The following NRXN3 variants were observed in gnomAD, a reference collection of about 807,000 sequenced individuals.
NRXN3 encodes the protein neurexin III.
Under a neutral mutation model 137.6 loss-of-function variants are expected in NRXN3, and 32 were observed. The observed-to-expected ratio is 0.23, with a 90% CI of 0.18 to 0.31. The LOEUF (loss-of-function observed/expected upper bound fraction) is 0.31, where lower values mean the gene tolerates loss of function less well. Among genes scored for constraint, NRXN3 ranks in the 10% least tolerant of loss-of-function variants. NRXN3 has a pLI of 1.00. For missense variants in NRXN3, 1,574 were observed against 2,062.5 expected, an observed-to-expected ratio of 0.76 and a Z score of 4.59; for synonymous variants, 798 against 784.5, an observed-to-expected ratio of 1.02 and a Z score of -0.29.
intron 16 of NRXN3, among the ~76,000 whole-genome samples, chr14:79,538,066 G>A (rs563588528): frequency 6.6e-6 from 1 of 152,270 alleles, no homozygotes; most frequent in African/African-American, 2.4e-5. Flanking sequence ...TTTTTCATGT[G>A]TCTTTCAGCT....
chr14:79,612,937 G>T (rs2098119685), intron 16 of NRXN3, among the ~76,000 whole-genome samples: 1 of 152,150 alleles, frequency 6.6e-6, no homozygotes, highest in South Asian at 2.1e-4. Flanking sequence ...AGTTTTTTAA[G>T]AAAGAAAATA....
chr14:79,796,557 T>G (rs2099161543), intron 19 of NRXN3, among the ~76,000 whole-genome samples: 1 of 152,100 alleles, frequency 6.6e-6, no homozygotes, highest in Admixed American at 6.5e-5. Context: ...TGCACTACAT[T>G]TATTTATATA....
intron 15 of NRXN3, among the ~76,000 whole-genome samples, chr14:79,441,366 C>CTTTTTTTTTTTTTTTTTTTTTTT (rs869170695): frequency 3.0e-5 from 2 of 67,232 alleles, no homozygotes; most frequent in East Asian, 8.4e-4. Context: ...AACAGAAAAT[C>CTTTTTTTTTTTTTTTTTTTTTTT]TTTTTTTTTT....
chr14:79,052,636 T>C (rs955443752), intron 15 of NRXN3, among the ~76,000 whole-genome samples: 1 of 152,220 alleles, frequency 6.6e-6, no homozygotes, highest in African/African-American at 2.4e-5. Context: ...TTTCCTAGCT[T>C]TAAGATGAAA....
At chr14:79,322,134 C>T (rs949475024) in intron 15 of NRXN3, among the ~76,000 whole-genome samples, 3 of 152,130 alleles carry the variant, frequency 2.0e-5, no homozygotes, top group South Asian at 4.1e-4. Context: ...AGCAATATTA[C>T]GTGACATCAC....
chr14:78,538,645 A>C (rs999761549), intron 4 of NRXN3, among the ~76,000 whole-genome samples: 3 of 150,700 alleles, frequency 2.0e-5, no homozygotes, highest in African/African-American at 4.9e-5. Flanking sequence ...AACTTCCAAC[A>C]CTATGTTGAA....
intron 10 of NRXN3, among the ~76,000 whole-genome samples, chr14:78,928,825 G>C (rs886238730): frequency 6.6e-6 from 1 of 152,138 alleles, no homozygotes; most frequent in African/African-American, 2.4e-5. Flanking sequence ...CCAGTAATGG[G>C]ATTGCTGGGT....
At position 79,732,566 on chromosome 14, in the gene NRXN3, A is replaced by T. The variant is rs117482566; in HGVS notation, c.4014+34629A>T. ...AATTAAGGGACCTTGTGGGAATTTA[A>T]ATCATCTAAGGTAATAGAACATGAA... On this transcript the variant is annotated intron_variant, in intron 19 of 20. Transcript: ENST00000335750. Among the ~76,000 whole-genome samples the T allele has an allele frequency of 2.1e-3, 326 of 152,308 alleles. 8 individuals are homozygous for T. In the East Asian group the frequency reaches 0.039, roughly 18 times the overall value.
At chr14:79,074,097 A>G (rs1274060527) in intron 15 of NRXN3, among the ~76,000 whole-genome samples, 3 of 152,220 alleles carry the variant, frequency 2.0e-5, no homozygotes, top group Admixed American at 6.5e-5. Context: ...CACAATGAAT[A>G]TTATTAGTCA....
At chr14:78,495,594 G>A (rs184617154) in intron 4 of NRXN3, among the ~76,000 whole-genome samples, 4 of 152,248 alleles carry the variant, frequency 2.6e-5, no homozygotes, top group Non-Finnish European at 4.4e-5. Flanking sequence ...GTGACATCTC[G>A]AATCTTCAGG....
intron 8 of NRXN3, among the ~76,000 whole-genome samples, chr14:78,779,291 A>G (rs955837533): frequency 6.6e-6 from 1 of 152,132 alleles, no homozygotes; most frequent in Non-Finnish European, 1.5e-5. Flanking sequence ...TCATTTCAAA[A>G]ATGTAGAAAC....
At chr14:79,769,860 T>C (rs1216551105) in intron 19 of NRXN3, among the ~76,000 whole-genome samples, 1 of 152,150 alleles carries the variant, frequency 6.6e-6, no homozygotes, top group African/African-American at 2.4e-5. Flanking sequence ...CCCATCAGTG[T>C]GCTGTATTCA....
intron 15 of NRXN3, among the ~76,000 whole-genome samples, chr14:79,231,965 T>C (rs571294647): frequency 6.6e-6 from 1 of 152,244 alleles, no homozygotes; most frequent in Non-Finnish European, 1.5e-5. Flanking sequence ...TTTAAAATAC[T>C]TAGTATTAAA....
intron 15 of NRXN3, among the ~76,000 whole-genome samples, chr14:79,103,938 A>C (rs972788857): frequency 6.6e-6 from 1 of 152,150 alleles, no homozygotes; most frequent in African/African-American, 2.4e-5. Flanking sequence ...CATCTGCACA[A>C]GCAATAGACA....
chr14:79,178,531 C>G (rs561578071), intron 15 of NRXN3, among the ~76,000 whole-genome samples: 1 of 152,254 alleles, frequency 6.6e-6, no homozygotes, highest in East Asian at 1.9e-4. Flanking sequence ...TGTCTAGCCT[C>G]TTGATTGAGT....
rs75835412 is a variant in NRXN3 at position 79,394,926 on chromosome 14, A to T, written c.3263-72295A>T. On this transcript the variant is annotated intron_variant, in intron 15 of 20. Transcript: ENST00000335750. ...CTGGGATGTAAATGCAGTTCTGTCT[A>T]GCTAAAGAGCCCGCATTCTTCTTGA... is the stretch of plus-strand genomic sequence containing the variant. Among the ~76,000 whole-genome samples, 1,185 of 152,312 alleles carry T rather than the reference A, an allele frequency of 7.8e-3. 17 individuals carry two copies. Among genetic ancestry groups the T allele is most frequent in the African/African-American group, 0.026 (1,080 of 41,576 alleles).
chr14:79,435,175 T>C (rs2095824604), intron 15 of NRXN3, among the ~76,000 whole-genome samples: 1 of 151,816 alleles, frequency 6.6e-6, no homozygotes, highest in Admixed American at 6.6e-5. Flanking sequence ...AGGAAGGAAA[T>C]GATTAGAAGT....
chr14:79,738,200 G>A (rs1489239270), intron 19 of NRXN3, among the ~76,000 whole-genome samples: 1 of 152,110 alleles, frequency 6.6e-6, no homozygotes, highest in East Asian at 1.9e-4. Context: ...GTCTTTGTGA[G>A]TGTGATTAAG....
At chr14:79,161,545 T>C (rs1483292172) in intron 15 of NRXN3, among the ~76,000 whole-genome samples, 1 of 151,962 alleles carries the variant, frequency 6.6e-6, no homozygotes, top group African/African-American at 2.4e-5. Context: ...TTTAGAAAGA[T>C]TGAAAGAAAA....
Sources: allele counts gnomAD v4.1 joint callset (sites outside exome capture counted in the v4.1 genomes callset), GRCh38; gene constraint gnomAD v4.1.1; transcripts MANE v1.5; gene names NCBI Gene and HGNC (gene_info 2026-07-23, HGNC 2026-07-21).